Variants in KIT observed in about 807,000 individuals in gnomAD.
KIT encodes KIT proto-oncogene, receptor tyrosine kinase, also known as mast/stem cell growth factor receptor Kit.
In KIT, 16 loss-of-function variants were observed where a neutral mutation model predicts 105.7. The observed-to-expected ratio is 0.15, with a 90% CI of 0.10 to 0.23. The LOEUF (loss-of-function observed/expected upper bound fraction) is 0.23, where lower values mean the gene tolerates loss of function less well. Ranked by LOEUF, KIT falls within the 10% of genes least tolerant of loss-of-function variation. The pLI, the probability that KIT is intolerant of heterozygous loss-of-function variation, is 1.00. For missense variants in KIT, 858 were observed against 1,213.8 expected (o/e 0.71, Z 4.36); for synonymous variants, 438 against 441.1 (o/e 0.99, Z 0.09).
chr4:54,664,419 G>A (rs970267452), intron 1 of KIT, among the ~76,000 whole-genome samples: 12 of 151,928 alleles, frequency 7.9e-5, no homozygotes, highest in African/African-American at 2.7e-4. Context: ...GGCCCCCCAG[G>A]CTTTGCATAC....
intron 1 of KIT, among the ~76,000 whole-genome samples, chr4:54,677,864 A>T (rs1314862438): frequency 1.3e-5 from 2 of 152,228 alleles, no homozygotes; most frequent in African/African-American, 2.4e-5. Context: ...AAAAATACAT[A>T]TATTGAGAAT....
intron 7 of KIT, among the ~76,000 whole-genome samples, chr4:54,719,835 T>C (rs996032342): frequency 9.2e-5 from 14 of 152,188 alleles, no homozygotes; most frequent in African/African-American, 2.7e-4. Context: ...GAATTAGATT[T>C]CCACCTGGCT....
rs766444135 is a variant in KIT, at chr4:54,723,566, A to G, written c.1232-18A>G. 1 of 1,562,568 alleles carries G rather than the reference A, an allele frequency of 6.4e-7. No individual in the cohort carries two copies. The highest frequency in any genetic ancestry group is 8.8e-7 in the Non-Finnish European group (1 of 1,133,268). On this transcript the variant is annotated intron_variant, in intron 7 of 20. Transcript: ENST00000288135. ...TTTTCCAGCACTCTGACATATGGCC[A>G]TTTCTGTTTTCCTGTAGCAAAACCA... is the stretch of plus-strand genomic sequence containing the variant.
chr4:54,731,938 A>AGAC lies in KIT; in HGVS notation c.2302_2304dup (p.Asp768dup). Reference sequence around the variant, plus strand: ...ATGACGAGTTGGCCCTAGACTTAGAAGACTTGCTGAGCTTTTCTTACCAGG... The same window carrying AGAC: ...ATGACGAGTTGGCCCTAGACTTAGAAGACGACTTGCTGAGCTTTTCTTACCAGG... On this transcript the variant is annotated inframe_insertion, in exon 16 of 21. Coordinates refer to ENST00000288135, the MANE Select transcript of KIT (RefSeq NM_000222.3). The AGAC allele has an allele frequency of 6.2e-7, 1 of 1,613,752 alleles. No individual in the cohort carries two copies. The highest frequency in any genetic ancestry group is 8.5e-7 in the Non-Finnish European group (1 of 1,179,780).
chr4:54,698,540 A>G lies in KIT; in HGVS notation c.594A>G (p.Glu198=). The G allele has an allele frequency of 6.2e-7, 1 of 1,614,176 alleles. No homozygotes were observed. The highest frequency in any genetic ancestry group is 8.5e-7 in the Non-Finnish European group (1 of 1,180,010). ...VDQEGKSVLS[E]KFILKVRPAF... ...AGGAGGGCAAGTCAGTGCTGTCGGA[A>G]AAATTCATCCTGAAAGTGAGGCCAG... Residue 198 remains glutamate, a synonymous_variant, in exon 3 of 21, where the codon GAA becomes GAG. Transcript: ENST00000288135.
intron 17 of KIT, among the ~76,000 whole-genome samples, chr4:54,734,580 A>T (rs1722807924): frequency 6.6e-6 from 1 of 152,196 alleles, no homozygotes; most frequent in Non-Finnish European, 1.5e-5. Context: ...ACTCCAGTTC[A>T]AGTCAGTTGA....
Position 54,697,311 on chromosome 4 carries a change from A to G in KIT, c.338-973A>G, listed in dbSNP as rs146788622. ...TTGATCAAGGATAAAACACAAACCT[A>G]TTTCAATGATGTCAAGTTCATTTTG... is the stretch of plus-strand genomic sequence containing the variant. On this transcript the variant is annotated intron_variant, in intron 2 of 20. Coordinates refer to ENST00000288135, the MANE Select transcript of KIT (RefSeq NM_000222.3). Among the ~76,000 whole-genome samples, 696 of 152,310 alleles carry G rather than the reference A, an allele frequency of 4.6e-3. 4 individuals are homozygous for G. Among genetic ancestry groups the G allele is most frequent in the African/African-American group, 0.016 (648 of 41,568 alleles).
chr4:54,699,688 G>A lies in KIT; in HGVS notation c.678G>A (p.Gly226=), dbSNP rs761411033. 6.2e-6 allele frequency: 10 copies of A among 1,613,806 alleles called. No individual in the cohort carries two copies. The highest frequency in any genetic ancestry group is 8.5e-6 in the Non-Finnish European group (10 of 1,179,878). ...AAGCAAGCTATCTTCTTAGGGAAGG[G>A]GAAGAATTCACAGTGACGTGCACAA... The part of the protein sequence containing the change: ...VSKASYLLRE[G]EEFTVTCTIK... Residue 226 remains glycine, a synonymous_variant, in exon 4 of 21, where the codon GGG becomes GGA. Coordinates refer to ENST00000288135, the MANE Select transcript of KIT (RefSeq NM_000222.3).
At chr4:54,714,143 T>G (rs1214946795) in intron 7 of KIT, among the ~76,000 whole-genome samples, 1 of 152,230 alleles carries the variant, frequency 6.6e-6, no homozygotes, top group Non-Finnish European at 1.5e-5. Context: ...ATGTTTGATA[T>G]CCTTCAGCGA....
chr4:54,692,431 G>T (rs1027410511), intron 1 of KIT, among the ~76,000 whole-genome samples: 6 of 152,176 alleles, frequency 3.9e-5, no homozygotes, highest in African/African-American at 1.4e-4. Flanking sequence ...CACACAGCTA[G>T]ACTTAGCTGC....
intron 14 of KIT, among the ~76,000 whole-genome samples, chr4:54,731,006 T>G (rs1197082788): frequency 6.6e-6 from 1 of 152,124 alleles, no homozygotes; most frequent in Non-Finnish European, 1.5e-5. Flanking sequence ...GAGTTTGAGG[T>G]AATACGGGAT....
chr4:54,681,538 G>A (rs1291992509), intron 1 of KIT, among the ~76,000 whole-genome samples: 1 of 152,170 alleles, frequency 6.6e-6, no homozygotes, highest in Non-Finnish European at 1.5e-5. Flanking sequence ...AGTGAGAAGA[G>A]AATATATTAA....
intron 1 of KIT, among the ~76,000 whole-genome samples, chr4:54,679,558 T>C (rs899898568): frequency 6.6e-6 from 1 of 152,174 alleles, no homozygotes; most frequent in African/African-American, 2.4e-5. Context: ...GGTGCAATTT[T>C]CCCTATTTGA....
At position 54,732,629 on chromosome 4, in the gene KIT, A is replaced by T. The variant is rs1236234658; in HGVS notation, c.2362-441A>T. 2.0e-5 allele frequency among the ~76,000 whole-genome samples: 3 copies of T among 152,180 alleles called. No individual in the cohort carries two copies. The East Asian group carries it at 5.8e-4, about 29-fold the overall frequency. ...TGGGTGACATTTCCCAACAATTACC[A>T]AACTAAGAAAGGATATAAGATGGCT... On this transcript the variant is annotated intron_variant, in intron 16 of 20. Transcript: ENST00000288135.
chr4:54,696,031 C>A (rs186854132), intron 2 of KIT: 1 of 546,298 alleles, frequency 1.8e-6, no homozygotes, highest in Admixed American at 3.2e-5. Context: ...TAGGTTTAGC[C>A]CATTTGTGCT....
At chr4:54,703,140 A>C (rs551864895) in intron 4 of KIT, among the ~76,000 whole-genome samples, 1 of 152,278 alleles carries the variant, frequency 6.6e-6, no homozygotes, top group South Asian at 2.1e-4. Flanking sequence ...GCTCATGCTT[A>C]AATAATTTGG....
chr4:54,666,221 A>G (rs1275734280), intron 1 of KIT, among the ~76,000 whole-genome samples: 1 of 152,226 alleles, frequency 6.6e-6, no homozygotes. Flanking sequence ...ACAAAATGAG[A>G]GTCATTTAAA....
rs186953545 is a variant in KIT, at chr4:54,740,391, A to G, written c.*1834A>G. The stretch of plus-strand genomic sequence containing the variant: ...TGTCTAGGTACTTCAGGGGCACTTC[A>G]TTGAGAGTTTTGTCTTGGATATTCT... On this transcript the variant is annotated 3_prime_UTR_variant, in exon 21 of 21. Transcript: ENST00000288135. 269 of 233,500 alleles carry G rather than the reference A, an allele frequency of 1.2e-3. No individual in the cohort carries two copies. The highest frequency in any genetic ancestry group is 2.0e-3 in the Non-Finnish European group (236 of 117,944). 14.5% of individuals were successfully genotyped at this position (233,500 alleles called of 1,614,324 possible).
intron 7 of KIT, among the ~76,000 whole-genome samples, chr4:54,713,841 G>A (rs1721305377): frequency 6.6e-6 from 1 of 152,110 alleles, no homozygotes; most frequent in South Asian, 2.1e-4. Flanking sequence ...AACATGTTAA[G>A]CTTGAAAATG....
Sources: gnomAD v4.1 joint callset for allele counts (sites outside exome capture counted in the v4.1 genomes callset) on GRCh38, gnomAD v4.1.1 for gene constraint, MANE v1.5 for transcripts, NCBI Gene and HGNC (gene_info 2026-07-23, HGNC 2026-07-21) for gene names.